The following SOBP variants were observed in gnomAD, a reference collection of about 807,000 sequenced individuals.
The protein encoded by SOBP is sine oculis binding protein homolog, also known as sine oculis-binding protein homolog.
Under a neutral mutation model 53.6 loss-of-function variants are expected in SOBP, and 4 were observed. That is an observed-to-expected ratio of 0.07 (90% CI 0.04 to 0.17). The LOEUF is 0.17. SOBP is among the 10% of genes least tolerant of loss of function. The pLI is 1.00. For missense variants in SOBP, 1,088 were observed against 1,204.7 expected (o/e 0.90, Z 1.43); for synonymous variants, 584 against 522.6 (o/e 1.12, Z -1.60).
intron 5 of SOBP, among the ~76,000 whole-genome samples, chr6:107,599,733 AC>A (rs1786107259): frequency 6.6e-6 from 1 of 152,062 alleles, no homozygotes; most frequent in East Asian, 1.9e-4. Context: ...ACAACCACCT[AC>A]TTTTTGGGGT....
intron 6 of SOBP, among the ~76,000 whole-genome samples, chr6:107,644,374 G>A (rs1469876438): frequency 3.3e-5 from 5 of 152,222 alleles, no homozygotes; most frequent in African/African-American, 1.2e-4. Flanking sequence ...TGAACTTAAA[G>A]TGTCATATTG....
At chr6:107,507,636 CGTTAAT>C (rs780983061) in intron 3 of SOBP, among the ~76,000 whole-genome samples, 7 of 152,060 alleles carry the variant, frequency 4.6e-5, no homozygotes, top group African/African-American at 7.2e-5. Flanking sequence ...CGTCAGCTAT[CGTTAAT>C]GTTAATGTAT....
intron 4 of SOBP, among the ~76,000 whole-genome samples, chr6:107,570,372 A>C (rs1785040366): frequency 6.6e-6 from 1 of 152,240 alleles, no homozygotes; most frequent in African/African-American, 2.4e-5. Context: ...TTTTAGCCTA[A>C]ATCAATCAAT....
Position 107,634,204 on chromosome 6 carries a change from C to G in SOBP, c.1360C>G (p.Pro454Ala). ...CCCCACTTCCAGCCCCATGCACCGG[C>G]CCATGCTATCGCCCCACATCCACCC... ...LGPTSSPMHR[P>A]MLSPHIHPPS... The change falls in exon 6 of 7, where the codon CCC (proline) becomes GCC (alanine). Residue 454 changes from proline to alanine, a missense_variant. Physicochemically the swap from Pro to Ala is conservative, Grantham distance 27. This residue lies in a region of SOBP where 665 missense variants were observed against 629.7 expected (regional missense o/e 1.06). Coordinates refer to ENST00000317357, the MANE Select transcript of SOBP (RefSeq NM_018013.4). This position sits in a 1 kb window ranked among gnomAD's most constrained non-coding sequence, Gnocchi z 4.5. The G allele has an allele frequency of 6.2e-7, 1 of 1,602,190 alleles. No individual in the cohort carries two copies. The highest frequency in any genetic ancestry group is 1.1e-5 in the South Asian group (1 of 90,958).
At chr6:107,647,443 A>G (rs1176456951) in intron 6 of SOBP, among the ~76,000 whole-genome samples, 2 of 152,226 alleles carry the variant, frequency 1.3e-5, no homozygotes, top group African/African-American at 4.8e-5. Context: ...ATCAGCTCCA[A>G]TGTAAATAAC....
chr6:107,614,127 C>T (rs547606729), intron 5 of SOBP, among the ~76,000 whole-genome samples: 12 of 152,272 alleles, frequency 7.9e-5, no homozygotes, highest in East Asian at 5.8e-4. Context: ...GTAAGGCAGG[C>T]GCAGTGGCTC....
chr6:107,639,306 T>G (rs527339219), intron 6 of SOBP, among the ~76,000 whole-genome samples: 1 of 152,334 alleles, frequency 6.6e-6, no homozygotes, highest in Non-Finnish European at 1.5e-5. Flanking sequence ...GGAAGTCTTA[T>G]TTGCTAGTTC....
chr6:107,628,365 C>A (rs1276181547), intron 5 of SOBP, among the ~76,000 whole-genome samples: 1 of 152,106 alleles, frequency 6.6e-6, no homozygotes, highest in East Asian at 1.9e-4. Context: ...GGGACAGAGC[C>A]TCCTAGGGAG....
chr6:107,526,292 C>T (rs1783660665), intron 3 of SOBP, among the ~76,000 whole-genome samples: 1 of 152,124 alleles, frequency 6.6e-6, no homozygotes, highest in Admixed American at 6.5e-5. Context: ...CTTCTTATTA[C>T]CTGTGGAATA....
intron 4 of SOBP, among the ~76,000 whole-genome samples, chr6:107,582,487 A>G (rs1273820357): frequency 2.0e-5 from 3 of 152,122 alleles, no homozygotes; most frequent in Non-Finnish European, 4.4e-5. Context: ...AAATGGTTAC[A>G]CAACTGTCAG....
At chr6:107,565,531 AAGAG>A (rs747745068) in intron 4 of SOBP, among the ~76,000 whole-genome samples, 4 of 151,976 alleles carry the variant, frequency 2.6e-5, no homozygotes, top group East Asian at 1.9e-4. Context: ...CGGAGAGAGA[AAGAG>A]AGAGACGTAA....
At chr6:107,495,823 C>CT (rs1782685499) in intron 1 of SOBP, among the ~76,000 whole-genome samples, 1 of 152,080 alleles carries the variant, frequency 6.6e-6, no homozygotes, top group Admixed American at 6.5e-5. Flanking sequence ...TTTACTGACT[C>CT]TTTATACTTA....
chr6:107,544,528 G>A (rs1264410272), intron 4 of SOBP, among the ~76,000 whole-genome samples: 1 of 152,180 alleles, frequency 6.6e-6, no homozygotes, highest in East Asian at 1.9e-4. Context: ...CTTTATCAGG[G>A]TGAGTTGACT....
At chr6:107,621,198 A>G (rs1770138627) in intron 5 of SOBP, 4 of 650,744 alleles carry the variant, frequency 6.1e-6, no homozygotes, top group Non-Finnish European at 7.6e-6. Context: ...ATGAATACCT[A>G]TCTGTGTCCC....
chr6:107,583,589 G>A (rs943870386), intron 4 of SOBP, among the ~76,000 whole-genome samples: 7 of 152,060 alleles, frequency 4.6e-5, no homozygotes, highest in African/African-American at 7.2e-5. Flanking sequence ...GTGGTGGCGC[G>A]ATCATAGCTC....
chr6:107,609,265 G>A (rs1384366416), intron 5 of SOBP, among the ~76,000 whole-genome samples: 2 of 152,104 alleles, frequency 1.3e-5, no homozygotes, highest in African/African-American at 4.8e-5. Flanking sequence ...CTGTAAATAG[G>A]CATTCTAATA....
At position 107,633,416 on chromosome 6, in the gene SOBP, G is replaced by T. The variant is rs897929407; in HGVS notation, c.670-98G>T. ...AGTTCTGCCTGTTTGAGAAGTGCTG[G>T]TAAAGTTTAAAAGAACCTTTATGTG... is the stretch of plus-strand genomic sequence containing the variant. On this transcript the variant is annotated intron_variant, in intron 5 of 6. Coordinates refer to ENST00000317357, the MANE Select transcript of SOBP (RefSeq NM_018013.4). 3 of 1,460,464 alleles carry T rather than the reference G, an allele frequency of 2.1e-6. No homozygotes were observed. The Admixed American group carries it at 5.0e-5, about 24-fold the overall frequency. The allele number at this position is 1,460,464 out of a possible 1,614,324, so 90.5% of individuals were successfully genotyped here.
chr6:107,561,190 T>C (rs1784761512), intron 4 of SOBP, among the ~76,000 whole-genome samples: 1 of 152,198 alleles, frequency 6.6e-6, no homozygotes, highest in African/African-American at 2.4e-5. Flanking sequence ...AAGGTGAATG[T>C]TTCTTAATGT....
intron 1 of SOBP, among the ~76,000 whole-genome samples, chr6:107,491,255 C>T (rs1407457672): frequency 1.3e-5 from 2 of 152,186 alleles, no homozygotes; most frequent in Non-Finnish European, 2.9e-5. Flanking sequence ...CGGGTCTGGG[C>T]ACGGTCCTGA....
Sources: gnomAD v4.1 joint callset for allele counts (sites outside exome capture counted in the v4.1 genomes callset) on GRCh38, gnomAD v4.1.1 for gene constraint, gnomAD v4.1.1 regional missense constraint, Gnocchi (gnomAD v3.1) non-coding constraint, MANE v1.5 for transcripts, NCBI Gene and HGNC (gene_info 2026-07-23, HGNC 2026-07-21) for gene names.